The following ARHGAP24 variants were observed in gnomAD, a reference collection of about 807,000 sequenced individuals.
ARHGAP24 encodes rho GTPase-activating protein 24.
ARHGAP24 carries 50 observed loss-of-function variants against 76.4 expected under a neutral mutation model. That is an observed-to-expected ratio of 0.65 (90% CI 0.52 to 0.83). ARHGAP24 has a LOEUF of 0.83. Among genes scored for constraint, ARHGAP24 ranks in the 40% least tolerant of loss-of-function variants. The pLI is 0.00. For missense variants in ARHGAP24, 930 were observed against 914.2 expected, an observed-to-expected ratio of 1.02 and a Z score of -0.22; for synonymous variants, 345 against 323.3, an observed-to-expected ratio of 1.07 and a Z score of -0.72.
chr4:85,562,318 T>C, intron 1 of ARHGAP24, among the ~76,000 whole-genome samples: 1 of 152,182 alleles, frequency 6.6e-6, no homozygotes, highest in African/African-American at 2.4e-5. Flanking sequence ...ATGATAGTAA[T>C]CAAGGAAAGA....
chr4:85,560,909 G>A (rs1410732340), intron 1 of ARHGAP24, among the ~76,000 whole-genome samples: 1 of 152,134 alleles, frequency 6.6e-6, no homozygotes, highest in African/African-American at 2.4e-5. Context: ...TATGATTTTT[G>A]TACAGTACTC....
rs1380757003 is a variant in ARHGAP24, at chr4:85,875,573, A to T, written c.269-48075A>T. 3.8e-5 allele frequency among the ~76,000 whole-genome samples: 4 copies of T among 104,048 alleles called. 1 individual carries two copies. Among genetic ancestry groups the T allele is most frequent in the East Asian group, 5.2e-4 (2 of 3,826 alleles). The allele number at this position is 104,048 out of a possible 152,430, so 68.3% of individuals were successfully genotyped here. The stretch of plus-strand genomic sequence containing the variant: ...TTATATTATATTTTTATATTATATA[A>T]TATATAATATATATTTTATATTATA... On this transcript the variant is annotated intron_variant, in intron 3 of 9. Coordinates refer to ENST00000395184, the MANE Select transcript of ARHGAP24 (RefSeq NM_001025616.3).
chr4:85,753,118 G>A (rs1380155904), intron 3 of ARHGAP24, among the ~76,000 whole-genome samples: 2 of 152,172 alleles, frequency 1.3e-5, no homozygotes, highest in Non-Finnish European at 2.9e-5. Context: ...ACCTTCTTGT[G>A]ACTGGTGTAA....
At chr4:85,596,418 T>A (rs1039480878) in intron 2 of ARHGAP24, among the ~76,000 whole-genome samples, 4 of 152,060 alleles carry the variant, frequency 2.6e-5, no homozygotes, top group Admixed American at 2.6e-4. Context: ...ATTTCCCAGT[T>A]TTTGCTTTGT....
At position 85,696,866 on chromosome 4, in the gene ARHGAP24, C is replaced by G. The variant is rs564027562; in HGVS notation, c.181-25019C>G. Among the ~76,000 whole-genome samples, 4 of 152,228 alleles carry G rather than the reference C, an allele frequency of 2.6e-5. No individual in the cohort carries two copies. The South Asian group carries it at 8.3e-4, about 32-fold the overall frequency. ...TGCAGAAATGGTGAGATAAAGGGAA[C>G]ATTGATCAACTTGTTGAGGATGGCC... On this transcript the variant is annotated intron_variant, in intron 2 of 9. Coordinates refer to ENST00000395184, the MANE Select transcript of ARHGAP24 (RefSeq NM_001025616.3).
intron 2 of ARHGAP24, among the ~76,000 whole-genome samples, chr4:85,686,316 T>C (rs1038233592): frequency 6.6e-6 from 1 of 152,182 alleles, no homozygotes; most frequent in South Asian, 2.1e-4. Context: ...GGAGCTAGCA[T>C]TTACTAGAGA....
chr4:85,898,801 A>G (rs1228984474), intron 3 of ARHGAP24, among the ~76,000 whole-genome samples: 1 of 151,998 alleles, frequency 6.6e-6, no homozygotes, highest in African/African-American at 2.4e-5. Context: ...TTGGAGTGCA[A>G]TGGCACTGTC....
intron 3 of ARHGAP24, among the ~76,000 whole-genome samples, chr4:85,733,759 C>T (rs1725504141): frequency 6.6e-6 from 1 of 152,104 alleles, no homozygotes. Flanking sequence ...GTCCTAATTT[C>T]TTCTTCTTAT....
intron 3 of ARHGAP24, among the ~76,000 whole-genome samples, chr4:85,728,474 C>G (rs900132601): frequency 6.6e-6 from 1 of 152,086 alleles, no homozygotes; most frequent in Non-Finnish European, 1.5e-5. Context: ...TGTGCATAAA[C>G]TGTTATTTGT....
chr4:85,656,591 C>G (rs748793819), intron 2 of ARHGAP24, among the ~76,000 whole-genome samples: 6 of 152,026 alleles, frequency 3.9e-5, no homozygotes, highest in Non-Finnish European at 5.9e-5. Flanking sequence ...CCTCAGTCTC[C>G]CAAGTAGCTG....
At chr4:85,494,144 GTTTTC>G (rs1480916741) in intron 1 of ARHGAP24, among the ~76,000 whole-genome samples, 1 of 152,024 alleles carries the variant, frequency 6.6e-6, no homozygotes, top group Middle Eastern at 3.2e-3. Context: ...TTTCTATCAT[GTTTTC>G]TTTTTTTTCT....
At chr4:85,848,712 C>G (rs995741028) in intron 3 of ARHGAP24, among the ~76,000 whole-genome samples, 3 of 152,104 alleles carry the variant, frequency 2.0e-5, no homozygotes, top group Non-Finnish European at 4.4e-5. Context: ...GAATCTTTTC[C>G]CCATTTCTTG....
rs187156102 is a variant in ARHGAP24 at position 85,776,344 on chromosome 4, T to C, written c.268+54372T>C. ...AACACCACAGGGCAAATCTTCAAAA[T>C]ACAGTGAGTATTCCCCACTAAACTA... is the stretch of plus-strand genomic sequence containing the variant. On this transcript the variant is annotated intron_variant, in intron 3 of 9. Transcript: ENST00000395184. 2.0e-5 allele frequency among the ~76,000 whole-genome samples: 3 copies of C among 152,274 alleles called. No homozygotes were observed. In the East Asian group the frequency reaches 5.8e-4, roughly 29 times the overall value.
intron 2 of ARHGAP24, among the ~76,000 whole-genome samples, chr4:85,684,708 T>C (rs1429378480): frequency 6.6e-6 from 1 of 152,208 alleles, no homozygotes; most frequent in Non-Finnish European, 1.5e-5. Context: ...TACAGTTGAT[T>C]GAGAGTCAGG....
At chr4:85,753,268 C>T (rs1450913893) in intron 3 of ARHGAP24, among the ~76,000 whole-genome samples, 2 of 152,002 alleles carry the variant, frequency 1.3e-5, no homozygotes, top group Non-Finnish European at 2.9e-5. Context: ...TTCTTTTCTT[C>T]TATTTTTCTT....
chr4:85,764,408 A>G (rs1409128985), intron 3 of ARHGAP24, among the ~76,000 whole-genome samples: 2 of 152,132 alleles, frequency 1.3e-5, no homozygotes, highest in Non-Finnish European at 2.9e-5. Context: ...CCCAAGCAAT[A>G]TTAATGTGAT....
intron 3 of ARHGAP24, among the ~76,000 whole-genome samples, chr4:85,901,685 T>C (rs6531880): frequency 0.7 from 106,628 of 152,010 alleles, 39,187 homozygotes; most frequent in East Asian, 0.99. Flanking sequence ...GTAATACTTA[T>C]ACTCCAAGAA....
At chr4:85,701,309 G>C (rs75912343) in intron 2 of ARHGAP24, among the ~76,000 whole-genome samples, 3 of 151,694 alleles carry the variant, frequency 2.0e-5, no homozygotes, top group East Asian at 3.9e-4. Context: ...TAATTTTTGC[G>C]TACAGGCAGG....
chr4:85,589,767 A>G (rs1378722991), intron 2 of ARHGAP24, among the ~76,000 whole-genome samples: 1 of 152,252 alleles, frequency 6.6e-6, no homozygotes, highest in East Asian at 1.9e-4. Context: ...ACTTTAATAA[A>G]TATGTGCAGT....
Sources: gnomAD v4.1 joint callset for allele counts (sites outside exome capture counted in the v4.1 genomes callset) on GRCh38, gnomAD v4.1.1 for gene constraint, MANE v1.5 for transcripts, NCBI Gene and HGNC (gene_info 2026-07-23, HGNC 2026-07-21) for gene names.